The following PHYHIPL variants were observed in gnomAD, a reference collection of about 807,000 sequenced individuals.
PHYHIPL encodes the protein phytanoyl-CoA hydroxylase-interacting protein-like.
In PHYHIPL, 9 loss-of-function variants were observed where a neutral mutation model predicts 33.4. That is an observed-to-expected ratio of 0.27 (90% CI 0.16 to 0.47). The LOEUF is 0.47. PHYHIPL is among the 20% of genes least tolerant of loss of function. PHYHIPL has a pLI of 0.99. For missense variants in PHYHIPL, 365 were observed against 460.7 expected (o/e 0.79, Z 1.90); for synonymous variants, 153 against 154.1 (o/e 0.99, Z 0.05).
At chr10:59,185,392 CTT>C (rs1838564462) in intron 1 of PHYHIPL, among the ~76,000 whole-genome samples, 1 of 152,138 alleles carries the variant, frequency 6.6e-6, no homozygotes, top group Non-Finnish European at 1.5e-5. Flanking sequence ...GGTTCCAAGT[CTT>C]TGCTATTGTG....
At chr10:59,177,049 CG>C in intron 1 of PHYHIPL, 90 bp downstream of exon 1, 1 of 1,140,672 alleles carries the variant, frequency 8.8e-7, no homozygotes, top group Non-Finnish European at 1.3e-6. Context: ...CTCGCCAGGG[CG>C]GCAGGGTCTT....
chr10:59,217,487 C>T (rs1042909422), intron 1 of PHYHIPL, among the ~76,000 whole-genome samples: 1 of 151,652 alleles, frequency 6.6e-6, no homozygotes, highest in Admixed American at 6.6e-5. Flanking sequence ...CTATAATATA[C>T]AATTATAGTA....
In PHYHIPL at chr10:59,240,720, C is replaced by T. The variant is rs533861450; in HGVS notation, c.596+2015C>T. On this transcript the variant is annotated intron_variant, in intron 4 of 4. Transcript: ENST00000373880. The stretch of plus-strand genomic sequence containing the variant: ...ACATCAAAAGAATAAATAATTACAT[C>T]TTTGATTTTAGGTTTATATTCCTGG... Among the ~76,000 whole-genome samples the T allele has an allele frequency of 3.9e-5, 6 of 152,170 alleles. 1 individual carries two copies. The East Asian group carries it at 9.6e-4, about 24-fold the overall frequency.
Position 59,245,288 on chromosome 10 carries a change from T to C in PHYHIPL, c.828T>C (p.Thr276=). ...LYFGDFYCMY[T]AYHYVILVIA... ...TTGGGGACTTCTACTGTATGTACAC[T>C]GCTTATCATTATGTGATTCTTGTTA... Residue 276 remains threonine (T), a synonymous_variant, in exon 5 of 5, where the codon ACT becomes ACC. Coordinates refer to ENST00000373880, the MANE Select transcript of PHYHIPL (RefSeq NM_032439.4). 1 of 1,614,214 alleles carries C rather than the reference T, an allele frequency of 6.2e-7. No homozygotes were observed. Among genetic ancestry groups the C allele is most frequent in the Non-Finnish European group, 8.5e-7 (1 of 1,180,038 alleles).
In PHYHIPL at chr10:59,180,664, C is replaced by A. The variant is rs540410767; in HGVS notation, c.106+3705C>A. On this transcript the variant is annotated intron_variant, in intron 1 of 4. Coordinates refer to ENST00000373880, the MANE Select transcript of PHYHIPL (RefSeq NM_032439.4). ...TTGTCTTTGTCTCTAACAATACTTA[C>A]GTGGAAAAAATGGAGGAAAAAAAGA... 2.0e-5 allele frequency among the ~76,000 whole-genome samples: 3 copies of A among 151,090 alleles called. 1 individual carries two copies. The highest frequency in any genetic ancestry group is 2.0e-4 in the Admixed American group (3 of 15,186).
At chr10:59,202,967 T>G (rs908435473) in intron 1 of PHYHIPL, among the ~76,000 whole-genome samples, 1 of 152,134 alleles carries the variant, frequency 6.6e-6, no homozygotes, top group Non-Finnish European at 1.5e-5. Flanking sequence ...CACCCATAAC[T>G]TCTGCAGAAT....
At chr10:59,244,217 C>T (rs112634877) in intron 4 of PHYHIPL, among the ~76,000 whole-genome samples, 21 of 152,094 alleles carry the variant, frequency 1.4e-4, no homozygotes, top group African/African-American at 5.1e-4. Flanking sequence ...GAATAACTAG[C>T]ACTGTTTTAA....
intron 1 of PHYHIPL, chr10:59,221,663 T>C (rs10509098): frequency 0.16 from 161,252 of 982,872 alleles, 14,814 homozygotes; most frequent in African/African-American, 0.35. Flanking sequence ...GTTTCTTCTA[T>C]GAACTGTGGA....
At chr10:59,203,489 T>A (rs1449890308) in intron 1 of PHYHIPL, among the ~76,000 whole-genome samples, 1 of 152,152 alleles carries the variant, frequency 6.6e-6, no homozygotes, top group Non-Finnish European at 1.5e-5. Flanking sequence ...GTGGCAGTAT[T>A]CACAATAGCA....
At chr10:59,200,958 A>G (rs1224975037) in intron 1 of PHYHIPL, among the ~76,000 whole-genome samples, 1 of 151,460 alleles carries the variant, frequency 6.6e-6, no homozygotes, top group African/African-American at 2.4e-5. Context: ...TTTCTTCTTT[A>G]TTAGTCTTGC....
chr10:59,218,069 C>A (rs968578370), intron 1 of PHYHIPL, among the ~76,000 whole-genome samples: 3 of 152,040 alleles, frequency 2.0e-5, no homozygotes, highest in African/African-American at 4.8e-5. Context: ...TCATCCAAGT[C>A]CCTGAGCTAA....
chr10:59,218,652 A>G (rs1839680500), intron 1 of PHYHIPL, among the ~76,000 whole-genome samples: 1 of 152,132 alleles, frequency 6.6e-6, no homozygotes, highest in African/African-American at 2.4e-5. Flanking sequence ...GGCTGGATTC[A>G]TATATTCATT....
At chr10:59,186,471 A>T (rs1323292578) in intron 1 of PHYHIPL, among the ~76,000 whole-genome samples, 1 of 152,052 alleles carries the variant, frequency 6.6e-6, no homozygotes, top group South Asian at 2.1e-4. Context: ...TTCCATATGA[A>T]CTTTAAAGTA....
intron 4 of PHYHIPL, among the ~76,000 whole-genome samples, chr10:59,241,662 C>G (rs1840401189): frequency 6.6e-6 from 1 of 152,030 alleles, no homozygotes; most frequent in African/African-American, 2.4e-5. Context: ...CTTATAGATC[C>G]ATGTAGGACA....
intron 1 of PHYHIPL, among the ~76,000 whole-genome samples, chr10:59,209,835 A>G (rs993563670): frequency 2.6e-5 from 4 of 152,248 alleles, no homozygotes; most frequent in Non-Finnish European, 5.9e-5. Context: ...TCCCTATTTA[A>G]TAAATGGTGT....
At chr10:59,225,007 C>G (rs537726338) in intron 1 of PHYHIPL, among the ~76,000 whole-genome samples, 1 of 151,040 alleles carries the variant, frequency 6.6e-6, no homozygotes, top group Admixed American at 6.6e-5. Flanking sequence ...GTTAAAAAAC[C>G]AAAAAGGATG....
chr10:59,244,853 G>T (rs905187288), intron 4 of PHYHIPL, among the ~76,000 whole-genome samples: 16 of 152,132 alleles, frequency 1.1e-4, no homozygotes, highest in Non-Finnish European at 1.9e-4. Flanking sequence ...AAGGCTTGTA[G>T]CAGCTCATCC....
At chr10:59,242,172 G>A (rs1202075155) in intron 4 of PHYHIPL, among the ~76,000 whole-genome samples, 1 of 152,130 alleles carries the variant, frequency 6.6e-6, no homozygotes. Flanking sequence ...TTCCACCACT[G>A]CCCAAAGAAA....
chr10:59,214,492 AGTAAT>A (rs1305704778), intron 1 of PHYHIPL, among the ~76,000 whole-genome samples: 1 of 152,104 alleles, frequency 6.6e-6, no homozygotes, highest in African/African-American at 2.4e-5. Context: ...AACTGTTTCC[AGTAAT>A]AATTATTGGC....
Sources: allele counts gnomAD v4.1 joint callset (sites outside exome capture counted in the v4.1 genomes callset), GRCh38; gene constraint gnomAD v4.1.1; transcripts MANE v1.5; gene names NCBI Gene and HGNC (gene_info 2026-07-23, HGNC 2026-07-21).